Variants in POLG observed in about 807,000 individuals in gnomAD.
The protein encoded by POLG is DNA polymerase subunit gamma-1.
In POLG, 110 loss-of-function variants were observed where a neutral mutation model predicts 155.4. The ratio of observed to expected loss-of-function variants is 0.71; its 90% confidence interval spans 0.61 to 0.83. The LOEUF (loss-of-function observed/expected upper bound fraction) is 0.83, where lower values mean the gene tolerates loss of function less well. Among genes scored for constraint, POLG ranks in the 40% least tolerant of loss-of-function variants. The probability of loss-of-function intolerance (pLI) is 0.00; values close to 1 mark genes in which losing one functional copy is unlikely to be tolerated. For missense variants in POLG, 1,685 were observed against 1,627.5 expected, an observed-to-expected ratio of 1.04 and a Z score of -0.61; for synonymous variants, 701 against 631.5, an observed-to-expected ratio of 1.11 and a Z score of -1.65.
chr15:89,333,937 G>A (rs924003607), intron 1 of POLG, 24 bp from the exon 2 acceptor site: 23 of 666,428 alleles, frequency 3.5e-5, no homozygotes, highest in Middle Eastern at 7.9e-4. Context: ...ATGATATAAA[G>A]CGTTATTTTA....
intron 1 of POLG, 78 bp from the exon 2 acceptor site, chr15:89,333,991 AT>A (rs1298378799): frequency 6.9e-6 from 4 of 582,558 alleles, no homozygotes; most frequent in Non-Finnish European, 1.2e-5. Flanking sequence ...TTCCTTGAGC[AT>A]TTACTGCGTC....
At position 89,327,358 on chromosome 15, in the gene POLG, C is replaced by A. The variant is rs1201515627; in HGVS notation, c.1251-9G>T. On this transcript the variant is annotated splice_polypyrimidine_tract_variant and intron_variant, in intron 6 of 22. Coordinates refer to ENST00000268124, the MANE Select transcript of POLG (RefSeq NM_002693.3). ...TCACTGGGTGGGGACACCTTGGAGG[C>A]AAACACCAGGAGCTGCCATAAATGA... The A allele has an allele frequency of 6.2e-7, 1 of 1,611,830 alleles. No homozygotes were observed. Among genetic ancestry groups the A allele is most frequent in the Non-Finnish European group, 8.5e-7 (1 of 1,179,844 alleles).
At chr15:89,331,951 AAAG>A (rs752917314) in intron 2 of POLG, among the ~76,000 whole-genome samples, 8 of 152,224 alleles carry the variant, frequency 5.3e-5, no homozygotes, top group African/African-American at 1.2e-4. Context: ...AAAAAGAGAG[AAAG>A]AAGGAGAAAG....
At chr15:89,320,049 G>A (rs1244164828) in intron 18 of POLG, among the ~76,000 whole-genome samples, 2 of 152,144 alleles carry the variant, frequency 1.3e-5, no homozygotes, top group Non-Finnish European at 2.9e-5. Context: ...AGCCTTACCC[G>A]ACCTCACTTT....
chr15:89,321,968 A>C lies in POLG; in HGVS notation c.2474T>G (p.Val825Gly). Residue 825 changes from valine to glycine, a missense_variant, in exon 15 of 23, where the codon GTG becomes GGG. Val to Gly is a moderately radical substitution (Grantham distance 109). Coordinates refer to ENST00000268124, the MANE Select transcript of POLG (RefSeq NM_002693.3). ...WLPRSALPRAVIRHPDYDEEG... is the reference protein window; with the variant it reads ...WLPRSALPRAGIRHPDYDEEG... ...ACCACTCAGCAGACCATACCTGATC[A>C]CAGCACGGGGCAGAGCTGACCTGGG... The C allele has an allele frequency of 6.2e-7, 1 of 1,614,126 alleles. No homozygotes were observed. Among genetic ancestry groups the C allele is most frequent in the African/African-American group, 1.3e-5 (1 of 75,050 alleles).
In POLG at chr15:89,318,539, A is replaced by G. The variant is rs1466226819; in HGVS notation, c.3482+2T>C. 3 of 1,612,712 alleles carry G rather than the reference A, an allele frequency of 1.9e-6. No homozygotes were observed. Among genetic ancestry groups the G allele is most frequent in the Non-Finnish European group, 2.5e-6 (3 of 1,179,730 alleles). ...AGGCTAGAGGCCATGGGCCCCGCAT[A>G]CCTGGTCAAGAGGTTGGTGATCTGC... is the stretch of plus-strand genomic sequence containing the variant. On this transcript the variant is annotated splice_donor_variant, in intron 21 of 22. Coordinates refer to ENST00000268124, the MANE Select transcript of POLG (RefSeq NM_002693.3). LOFTEE classifies it high-confidence loss of function.
rs1555452881 is a variant in POLG, at chr15:89,321,804, C to G, written c.2530G>C (p.Val844Leu). 6.2e-7 allele frequency: 1 copy of G among 1,614,198 alleles called. No homozygotes were observed. Among genetic ancestry groups the G allele is most frequent in the South Asian group, 1.1e-5 (1 of 91,086 alleles). The change falls in exon 16 of 23, where the codon GTG becomes CTG. Residue 844 changes from valine to leucine, a missense_variant. Val to Leu is a conservative substitution (Grantham distance 32). This residue lies in a region of POLG where 1,210 missense variants were observed against 1,167.1 expected (regional missense o/e 1.04). Transcript: ENST00000268124. ...CGAGTGATGGTGCCGGCAGTCACCA[C>G]TTGGGGCAGGATGGCCCCATAGAGG... ...EGLYGAILPQ[V>L]VTAGTITRRA...
chr15:89,318,056 C>G (rs1371638095), intron 21 of POLG: 1 of 261,668 alleles, frequency 3.8e-6, no homozygotes, highest in Admixed American at 5.0e-5. Flanking sequence ...AAATACAACT[C>G]AATATATAAA....
At chr15:89,319,463 C>T in intron 18 of POLG, 113 bp from the exon 19 acceptor site, 13 of 1,383,078 alleles carry the variant, frequency 9.4e-6, no homozygotes, top group South Asian at 1.2e-5. Flanking sequence ...TGACATCATG[C>T]CAGTCCCCTA....
chr15:89,323,042 C>G, intron 13 of POLG, 140 bp from the exon 14 acceptor site: 1 of 673,114 alleles, frequency 1.5e-6, no homozygotes, highest in Non-Finnish European at 2.3e-6. Context: ...GTATCACGCA[C>G]GCGCGCACGC....
At position 89,316,431 on chromosome 15, in the gene POLG, A is replaced by G. The variant is rs747345120; in HGVS notation, c.*320T>C. 2 of 1,611,976 alleles carry G rather than the reference A, an allele frequency of 1.2e-6. No individual in the cohort carries two copies. Among genetic ancestry groups the G allele is most frequent in the South Asian group, 2.2e-5 (2 of 90,666 alleles). ...TCAGAGCATGGGGGACAGAACAAAGAACCAGCCAAGAAGAAAAGGAAAAAA... is the reference window on the plus strand; with the variant it reads ...TCAGAGCATGGGGGACAGAACAAAGGACCAGCCAAGAAGAAAAGGAAAAAA... On this transcript the variant is annotated 3_prime_UTR_variant, in exon 23 of 23. Transcript: ENST00000268124.
chr15:89,329,833 C>T (rs2055571202), intron 3 of POLG, among the ~76,000 whole-genome samples: 1 of 152,152 alleles, frequency 6.6e-6, no homozygotes, highest in Non-Finnish European at 1.5e-5. Context: ...ATGCTAAGCT[C>T]TAAAATGCCA....
chr15:89,329,059 C>A lies in POLG; in HGVS notation c.907G>T (p.Gly303Trp). The change falls in exon 4 of 23, where the codon GGG becomes TGG. Residue 303 changes from glycine to tryptophan, a missense_variant. Coordinates refer to ENST00000268124, the MANE Select transcript of POLG (RefSeq NM_002693.3). ...AGACTGCGCTGGAAGCTGCTTAGCCCTGAGATGGCCATGTGCATGCTCATG... is the reference window on the plus strand; with the variant it reads ...AGACTGCGCTGGAAGCTGCTTAGCCATGAGATGGCCATGTGCATGCTCATG... ...DTMSMHMAISGLSSFQRSLWI... is the reference protein window; with the variant it reads ...DTMSMHMAISWLSSFQRSLWI... The A allele has an allele frequency of 1.2e-6, 2 of 1,613,058 alleles. No individual in the cohort carries two copies. The highest frequency in any genetic ancestry group is 1.7e-6 in the Non-Finnish European group (2 of 1,180,024).
chr15:89,331,255 A>G (rs1224008560), intron 2 of POLG, among the ~76,000 whole-genome samples: 1 of 152,124 alleles, frequency 6.6e-6, no homozygotes, highest in African/African-American at 2.4e-5. Context: ...TCGAACTCAT[A>G]CTCCAAATGG....
chr15:89,321,719 G>A lies in POLG; in HGVS notation c.2598+17C>T. On this transcript the variant is annotated intron_variant, in intron 16 of 22. Transcript: ENST00000268124. The stretch of plus-strand genomic sequence containing the variant: ...GGGAGAGGAAGAGCAGGGGCCAGAG[G>A]TACAGAGGTCACATACCCGGGCATT... 1 of 1,563,436 alleles carries A rather than the reference G, an allele frequency of 6.4e-7. No individual in the cohort carries two copies. The highest frequency in any genetic ancestry group is 8.8e-7 in the Non-Finnish European group (1 of 1,134,414).
chr15:89,327,202 C>T lies in POLG; in HGVS notation c.1398G>A (p.Leu466=). ...AGAGCAGCTGGCAGGCATCATTGGC[C>T]AGATCCATCAACGACTTCTTCATCT... ...QREMKKSLMD[L]ANDACQLLSG... Residue 466 remains leucine, a synonymous_variant, in exon 7 of 23, where the codon CTG becomes CTA. Coordinates refer to ENST00000268124, the MANE Select transcript of POLG (RefSeq NM_002693.3). 1 of 1,614,256 alleles carries T rather than the reference C, an allele frequency of 6.2e-7. No homozygotes were observed. The highest frequency in any genetic ancestry group is 8.5e-7 in the Non-Finnish European group (1 of 1,180,042).
intron 3 of POLG, 77 bp from the exon 4 acceptor site, chr15:89,329,187 T>C: frequency 1.5e-6 from 2 of 1,296,590 alleles, no homozygotes; most frequent in Non-Finnish European, 2.2e-6. Flanking sequence ...TGCTTGGTGG[T>C]GTGGACCTCC....
rs1183940593 is a variant in POLG at position 89,326,693 on chromosome 15, A to G, written c.1631T>C (p.Met544Thr). The stretch of plus-strand genomic sequence containing the variant: ...CAGCTTCTGCAAGCAGGCGCGGGCC[A>G]TGACATCTTGTTGAAACTCCTCCTC... Reference protein sequence around the residue: ...SEEEEFQQDVMARACLQKLKG... With the variant: ...SEEEEFQQDVTARACLQKLKG... The change falls in exon 9 of 23, where the codon ATG becomes ACG. Residue 544 changes from methionine to threonine, a missense_variant. Met to Thr is a moderately conservative substitution (Grantham distance 81, BLOSUM62 -1). Coordinates refer to ENST00000268124, the MANE Select transcript of POLG (RefSeq NM_002693.3). 6.2e-7 allele frequency: 1 copy of G among 1,614,158 alleles called. No homozygotes were observed. Among genetic ancestry groups the G allele is most frequent in the South Asian group, 1.1e-5 (1 of 91,084 alleles).
At chr15:89,329,447 T>C (rs1287119751) in intron 3 of POLG, among the ~76,000 whole-genome samples, 3 of 152,188 alleles carry the variant, frequency 2.0e-5, no homozygotes, top group Non-Finnish European at 2.9e-5. Flanking sequence ...CTATCTGGTC[T>C]GGCCCCAACC....
Sources: allele counts gnomAD v4.1 joint callset (sites outside exome capture counted in the v4.1 genomes callset), GRCh38; gene constraint gnomAD v4.1.1; regional missense constraint gnomAD v4.1.1; transcripts MANE v1.5; gene names NCBI Gene and HGNC (gene_info 2026-07-23, HGNC 2026-07-21).